The following BRINP1 variants were observed in gnomAD, a reference collection of about 807,000 sequenced individuals.
BRINP1 encodes the protein BMP/retinoic acid-inducible neural-specific protein 1.
BRINP1 carries 17 observed loss-of-function variants against 72.9 expected under a neutral mutation model. The observed-to-expected ratio is 0.23, with a 90% CI of 0.16 to 0.35. The LOEUF is 0.35. Among genes scored for constraint, BRINP1 ranks in the 10% least tolerant of loss-of-function variants. The probability of loss-of-function intolerance (pLI) is 1.00; values close to 1 mark genes in which losing one functional copy is unlikely to be tolerated. For missense variants in BRINP1, 850 were observed against 1,001.6 expected (o/e 0.85, Z 2.04); for synonymous variants, 418 against 378.5 (o/e 1.10, Z -1.21).
intron 7 of BRINP1, among the ~76,000 whole-genome samples, chr9:119,187,885 A>G (rs1829641239): frequency 6.6e-6 from 1 of 152,218 alleles, no homozygotes; most frequent in South Asian, 2.1e-4. Flanking sequence ...CCAAAGAGAA[A>G]TCTTAAAGCT....
intron 2 of BRINP1, among the ~76,000 whole-genome samples, chr9:119,268,265 TAG>T (rs1830572442): frequency 1.4e-5 from 2 of 142,474 alleles, no homozygotes; most frequent in Non-Finnish European, 3.1e-5. Flanking sequence ...GATAGATAGA[TAG>T]ATAGATAGAT....
chr9:119,313,892 A>G (rs1162272264), intron 1 of BRINP1, among the ~76,000 whole-genome samples: 6 of 152,204 alleles, frequency 3.9e-5, no homozygotes, highest in Non-Finnish European at 8.8e-5. Context: ...TGCCTCTCAT[A>G]AAGAGGTATC....
rs1033217930 is a variant in BRINP1 at position 119,198,862 on chromosome 9, G to A, written c.1145+9857C>T. Among the ~76,000 whole-genome samples the A allele has an allele frequency of 2.0e-5, 3 of 151,882 alleles. 1 individual carries two copies. The highest frequency in any genetic ancestry group is 7.3e-5 in the African/African-American group (3 of 41,340). Reference sequence around the variant, plus strand: ...GATTTTTGTATTTTTTAGTAGAGATGGGGTTTCTCCATGTTGGCTAGGCTG... The same window carrying A: ...GATTTTTGTATTTTTTAGTAGAGATAGGGTTTCTCCATGTTGGCTAGGCTG... On this transcript the variant is annotated intron_variant, in intron 7 of 7. Transcript: ENST00000265922.
intron 7 of BRINP1, among the ~76,000 whole-genome samples, chr9:119,185,754 A>T (rs1829610074): frequency 6.6e-6 from 1 of 152,186 alleles, no homozygotes; most frequent in Non-Finnish European, 1.5e-5. Flanking sequence ...AAAAGTCTTC[A>T]TGGGCCCTGA....
chr9:119,176,125 A>AATATTT (rs1387012689), intron 7 of BRINP1, among the ~76,000 whole-genome samples: 19 of 152,326 alleles, frequency 1.2e-4, no homozygotes, highest in African/African-American at 4.6e-4. Context: ...GACTGTCAGC[A>AATATTT]ATATTTTACA....
At chr9:119,296,649 T>C (rs1830881767) in intron 2 of BRINP1, among the ~76,000 whole-genome samples, 1 of 152,040 alleles carries the variant, frequency 6.6e-6, no homozygotes, top group African/African-American at 2.4e-5. Context: ...ACACACACAC[T>C]CACCCACACA....
chr9:119,175,422 ATGATGGGC>A (rs1829475937), intron 7 of BRINP1, among the ~76,000 whole-genome samples: 1 of 152,064 alleles, frequency 6.6e-6, no homozygotes, highest in African/African-American at 2.4e-5. Flanking sequence ...CCTAATGTAG[ATGATGGGC>A]TGATGGGTGC....
At chr9:119,274,280 C>T (rs1005381684) in intron 2 of BRINP1, among the ~76,000 whole-genome samples, 2 of 152,098 alleles carry the variant, frequency 1.3e-5, no homozygotes, top group African/African-American at 4.8e-5. Flanking sequence ...GAAGGAGAAC[C>T]CAGCGTCCCT....
chr9:119,173,856 A>T (rs1261522878), intron 7 of BRINP1, among the ~76,000 whole-genome samples: 10 of 139,720 alleles, frequency 7.2e-5, no homozygotes, highest in Non-Finnish European at 6.0e-5. Context: ...CAACTATCTG[A>T]TCTTTGACAA....
rs2118808461 is a variant in BRINP1 at position 119,166,653 on chromosome 9, T to C, written c.*431A>G. 6.4e-6 allele frequency: 1 copy of C among 155,832 alleles called. No homozygotes were observed. Among genetic ancestry groups the C allele is most frequent in the African/African-American group, 2.4e-5 (1 of 41,624 alleles). The allele number at this position is 155,832 out of a possible 1,614,324, so 9.7% of individuals were successfully genotyped here. Reference sequence around the variant, plus strand: ...ATAAATCTTAACCGAAGAAATATCTTCTTTATCTATGTCCATTTCCTCCAA... The same window carrying C: ...ATAAATCTTAACCGAAGAAATATCTCCTTTATCTATGTCCATTTCCTCCAA... On this transcript the variant is annotated 3_prime_UTR_variant, in exon 8 of 8. Coordinates refer to ENST00000265922, the MANE Select transcript of BRINP1 (RefSeq NM_014618.3).
chr9:119,270,804 A>G (rs77030523), intron 2 of BRINP1, among the ~76,000 whole-genome samples: 3,108 of 152,254 alleles, frequency 0.02, 77 homozygotes, highest in African/African-American at 0.068. Context: ...TATTATTGAC[A>G]TTCCCATTCA....
chr9:119,361,259 T>A (rs527513442), intron 1 of BRINP1, among the ~76,000 whole-genome samples: 4 of 152,168 alleles, frequency 2.6e-5, no homozygotes, highest in East Asian at 3.9e-4. Flanking sequence ...AAAAAAAAAA[T>A]TAATTTCACT....
chr9:119,253,449 T>G (rs1456447200), intron 2 of BRINP1, among the ~76,000 whole-genome samples: 2 of 152,128 alleles, frequency 1.3e-5, no homozygotes, highest in African/African-American at 4.8e-5. Context: ...ATCCTGTCAT[T>G]TGCAGCAGGA....
chr9:119,176,282 G>T (rs1352048544), intron 7 of BRINP1, among the ~76,000 whole-genome samples: 1 of 152,136 alleles, frequency 6.6e-6, no homozygotes, highest in Non-Finnish European at 1.5e-5. Flanking sequence ...GTGCTGTGGA[G>T]ATGGTGATGG....
intron 7 of BRINP1, among the ~76,000 whole-genome samples, chr9:119,173,645 A>C (rs1564209035): frequency 6.7e-6 from 1 of 149,052 alleles, no homozygotes; most frequent in Non-Finnish European, 1.5e-5. Context: ...AAACTACTTT[A>C]AAGTTCATAT....
At chr9:119,240,392 G>A (rs1830235004) in intron 4 of BRINP1, among the ~76,000 whole-genome samples, 1 of 152,160 alleles carries the variant, frequency 6.6e-6, no homozygotes, top group African/African-American at 2.4e-5. Context: ...GCAGAAGACA[G>A]TGCCTACCAT....
chr9:119,367,819 T>C (rs942109912), intron 1 of BRINP1, among the ~76,000 whole-genome samples: 3 of 150,674 alleles, frequency 2.0e-5, no homozygotes, highest in African/African-American at 7.3e-5. Flanking sequence ...TGAAACACTC[T>C]CTCTCTCTGT....
chr9:119,302,431 T>C (rs1453297577), intron 2 of BRINP1, among the ~76,000 whole-genome samples: 1 of 152,176 alleles, frequency 6.6e-6, no homozygotes, highest in Non-Finnish European at 1.5e-5. Context: ...ACAGAAATAC[T>C]TCATTATTAA....
chr9:119,285,312 G>A (rs187752819), intron 2 of BRINP1, among the ~76,000 whole-genome samples: 34 of 152,246 alleles, frequency 2.2e-4, no homozygotes, highest in Admixed American at 5.2e-4. Context: ...GAATGGATCT[G>A]CACATTCGAA....
Sources: allele counts gnomAD v4.1 joint callset (sites outside exome capture counted in the v4.1 genomes callset), GRCh38; gene constraint gnomAD v4.1.1; transcripts MANE v1.5; gene names NCBI Gene and HGNC (gene_info 2026-07-23, HGNC 2026-07-21).